The following SH2D4B variants were observed in gnomAD, a reference collection of about 807,000 sequenced individuals.
The protein encoded by SH2D4B is SH2 domain-containing protein 4B.
In SH2D4B, 45 loss-of-function variants were observed where a neutral mutation model predicts 61.5. The observed-to-expected ratio is 0.73, with a 90% CI of 0.58 to 0.94. SH2D4B has a LOEUF of 0.94. Among genes scored for constraint, SH2D4B ranks in the 40% least tolerant of loss-of-function variants. The pLI is 0.00. For missense variants in SH2D4B, 572 were observed against 574.2 expected, an observed-to-expected ratio of 1.00 and a Z score of 0.04; for synonymous variants, 224 against 220.4, an observed-to-expected ratio of 1.02 and a Z score of -0.14.
intron 1 of SH2D4B, 43 bp from the exon 2 acceptor site, chr10:80,570,111 T>C: frequency 6.2e-7 from 1 of 1,612,482 alleles, no homozygotes; most frequent in Middle Eastern, 1.7e-4. Context: ...TCCTTACTGA[T>C]TGAAAATCAA....
intron 1 of SH2D4B, among the ~76,000 whole-genome samples, chr10:80,569,854 G>T (rs560538723): frequency 6.6e-6 from 1 of 152,310 alleles, no homozygotes; most frequent in South Asian, 2.1e-4. Context: ...GGAGTAAGTT[G>T]GAGCTAGTCA....
intron 1 of SH2D4B, among the ~76,000 whole-genome samples, chr10:80,564,487 G>C (rs1221785742): frequency 6.6e-6 from 1 of 152,144 alleles, no homozygotes; most frequent in Non-Finnish European, 1.5e-5. Context: ...TGCCTCACAG[G>C]CCTCTCTCTC....
chr10:80,563,542 CCT>C (rs891217223), intron 1 of SH2D4B, among the ~76,000 whole-genome samples: 6 of 152,102 alleles, frequency 3.9e-5, no homozygotes, highest in Middle Eastern at 3.4e-3. Flanking sequence ...GCCATTTTAC[CCT>C]GTTTTTCAAT....
intron 1 of SH2D4B, among the ~76,000 whole-genome samples, chr10:80,561,201 A>G (rs566796307): frequency 6.6e-6 from 1 of 152,362 alleles, no homozygotes; most frequent in East Asian, 1.9e-4. Flanking sequence ...TGGGTATTTG[A>G]AAATAAAGTG....
intron 6 of SH2D4B, among the ~76,000 whole-genome samples, chr10:80,624,850 T>TGCA (rs1392447743): frequency 6.6e-6 from 1 of 152,014 alleles, no homozygotes; most frequent in Non-Finnish European, 1.5e-5. Flanking sequence ...TGTGAGAAGC[T>TGCA]GCAGAACAAC....
intron 7 of SH2D4B, among the ~76,000 whole-genome samples, chr10:80,636,680 C>T (rs529618108): frequency 4.6e-4 from 70 of 151,984 alleles, no homozygotes; most frequent in African/African-American, 1.7e-3. Flanking sequence ...TTTAAGTTCT[C>T]TGTAGATTCT....
rs146931696 is a variant in SH2D4B at position 80,570,487 on chromosome 10, T to A, written c.347+171T>A. ...CACCCGCTTCGGCCTCCCAAAGTGT[T>A]GGGATTATAGGCGTGAGCCACCACA... On this transcript the variant is annotated intron_variant, in intron 2 of 7. Transcript: ENST00000646907. Among the ~76,000 whole-genome samples, 3,316 of 152,322 alleles carry A rather than the reference T, an allele frequency of 0.022. 108 individuals are homozygous for A. Among genetic ancestry groups the A allele is most frequent in the African/African-American group, 0.075 (3,102 of 41,560 alleles).
At chr10:80,580,110 A>C (rs1842171603) in intron 3 of SH2D4B, among the ~76,000 whole-genome samples, 1 of 152,216 alleles carries the variant, frequency 6.6e-6, no homozygotes, top group South Asian at 2.1e-4. Flanking sequence ...GGCCAGACTA[A>C]CAACAAAAAT....
At chr10:80,601,599 G>A (rs997183591) in intron 4 of SH2D4B, among the ~76,000 whole-genome samples, 26 of 152,212 alleles carry the variant, frequency 1.7e-4, no homozygotes, top group Non-Finnish European at 3.8e-4. Context: ...TGCCCTCGTG[G>A]AGTTCACAGC....
intron 1 of SH2D4B, among the ~76,000 whole-genome samples, chr10:80,564,011 G>A (rs1841938200): frequency 6.6e-6 from 1 of 152,138 alleles, no homozygotes; most frequent in Admixed American, 6.5e-5. Flanking sequence ...CTCTATAGAT[G>A]TTAGCTGTTA....
chr10:80,638,085 C>T (rs972887270), intron 7 of SH2D4B, among the ~76,000 whole-genome samples: 2 of 152,152 alleles, frequency 1.3e-5, no homozygotes, highest in African/African-American at 4.8e-5. Flanking sequence ...TGATGGATTC[C>T]ATTTATTGAT....
intron 6 of SH2D4B, among the ~76,000 whole-genome samples, chr10:80,615,807 C>T (rs1343101117): frequency 6.6e-6 from 1 of 152,148 alleles, no homozygotes; most frequent in African/African-American, 2.4e-5. Flanking sequence ...ACTAAAAATT[C>T]GTGTTTAGCA....
chr10:80,594,003 G>A (rs543082810), intron 4 of SH2D4B, among the ~76,000 whole-genome samples: 1 of 152,116 alleles, frequency 6.6e-6, no homozygotes, highest in African/African-American at 2.4e-5. Flanking sequence ...TTTAGCGACG[G>A]GGTTTTGCCA....
At chr10:80,608,668 T>C (rs1228973827) in intron 5 of SH2D4B, among the ~76,000 whole-genome samples, 1 of 151,820 alleles carries the variant, frequency 6.6e-6, no homozygotes, top group Non-Finnish European at 1.5e-5. Flanking sequence ...GTCTAAACTC[T>C]TCCCGTGCTC....
chr10:80,545,506 T>A (rs556822696), intron 1 of SH2D4B, among the ~76,000 whole-genome samples: 2 of 152,166 alleles, frequency 1.3e-5, no homozygotes, highest in Admixed American at 6.5e-5. Flanking sequence ...CTTCTTCTTC[T>A]TCCTCTCCTC....
At chr10:80,602,324 A>T (rs1842459602) in intron 4 of SH2D4B, among the ~76,000 whole-genome samples, 1 of 152,156 alleles carries the variant, frequency 6.6e-6, no homozygotes, top group South Asian at 2.1e-4. Flanking sequence ...TTAGATGGGC[A>T]TGGTGGCGCA....
intron 3 of SH2D4B, among the ~76,000 whole-genome samples, chr10:80,585,448 C>T (rs1402933070): frequency 1.3e-5 from 2 of 151,776 alleles, no homozygotes; most frequent in Non-Finnish European, 2.9e-5. Context: ...CCAAGTAGCT[C>T]GGATTACAGG....
At chr10:80,547,314 A>G (rs575640318) in intron 1 of SH2D4B, among the ~76,000 whole-genome samples, 16 of 152,336 alleles carry the variant, frequency 1.1e-4, no homozygotes, top group Admixed American at 2.6e-4. Flanking sequence ...TCTTGCTGTC[A>G]TAATATGTTC....
chr10:80,540,478 G>T (rs549329390), intron 1 of SH2D4B, among the ~76,000 whole-genome samples: 88 of 152,340 alleles, frequency 5.8e-4, no homozygotes, highest in African/African-American at 2.1e-3. Context: ...TCCCTGCGGG[G>T]TGGCAGGGCA....
Sources: allele counts gnomAD v4.1 joint callset (sites outside exome capture counted in the v4.1 genomes callset), GRCh38; gene constraint gnomAD v4.1.1; transcripts MANE v1.5; gene names NCBI Gene and HGNC (gene_info 2026-07-23, HGNC 2026-07-21).